SH3GL3: variants seen among roughly 807,000 people sequenced by gnomAD.
SH3GL3 encodes the protein SH3 domain containing GRB2 like 3, endophilin A3.
A neutral mutation model predicts 47.7 loss-of-function variants in SH3GL3; 33 were observed. The observed-to-expected ratio is 0.69, with a 90% CI of 0.52 to 0.92. The LOEUF (loss-of-function observed/expected upper bound fraction) is 0.92, where lower values mean the gene tolerates loss of function less well. SH3GL3 is among the 40% of genes least tolerant of loss of function. The probability of loss-of-function intolerance (pLI) is 0.00; values close to 1 mark genes in which losing one functional copy is unlikely to be tolerated. For synonymous variants in SH3GL3, 155 were observed against 148.8 expected, an observed-to-expected ratio of 1.04 and a Z score of -0.30; for missense variants, 363 against 417.8, an observed-to-expected ratio of 0.87 and a Z score of 1.14.
Position 83,448,442 on chromosome 15 carries a change from ATG to A in SH3GL3, c.45+902_45+903del, listed in dbSNP as rs71156081. Among the ~76,000 whole-genome samples, 2,313 of 140,714 alleles carry A rather than the reference ATG, an allele frequency of 0.016. 52 individuals are homozygous for A. Among genetic ancestry groups the A allele is most frequent in the East Asian group, 0.076 (352 of 4,658 alleles). 92.3% of individuals were successfully genotyped at this position (140,714 alleles called of 152,430 possible). ...AAACAGGAGGGGAGACATGAAATTG[ATG>A]TGTGTGTGTGTGTGTGTGTGTGTGT... On this transcript the variant is annotated intron_variant, in intron 1 of 8. Transcript: ENST00000427482. This position sits in a 1 kb window ranked among gnomAD's most constrained non-coding sequence, Gnocchi z 4.2.
At chr15:83,608,744 C>T (rs918091418) in intron 8 of SH3GL3, among the ~76,000 whole-genome samples, 2 of 151,692 alleles carry the variant, frequency 1.3e-5, no homozygotes, top group African/African-American at 4.9e-5. Flanking sequence ...TACCCGCCCC[C>T]CACTCCCCCC....
chr15:83,520,573 G>A (rs910198009), intron 1 of SH3GL3, among the ~76,000 whole-genome samples: 1 of 152,194 alleles, frequency 6.6e-6, no homozygotes, highest in Non-Finnish European at 1.5e-5. Flanking sequence ...GTGGAGGTGA[G>A]GAGTGGGTAC....
chr15:83,565,370 G>A (rs1473449774), intron 3 of SH3GL3, 164 bp downstream of exon 3: 10 of 613,034 alleles, frequency 1.6e-5, no homozygotes, highest in Admixed American at 8.9e-5. Context: ...AGTTGCATTC[G>A]GTCCTACTGA....
At chr15:83,457,730 C>T (rs1047732677) in intron 1 of SH3GL3, among the ~76,000 whole-genome samples, 7 of 152,188 alleles carry the variant, frequency 4.6e-5, no homozygotes, top group Admixed American at 3.3e-4. Context: ...CTCCTTTTCA[C>T]ATAGATTGCT....
rs188790209 is a variant in SH3GL3 at position 83,517,087 on chromosome 15, A to T, written c.46-42166A>T. 3.6e-4 allele frequency among the ~76,000 whole-genome samples: 54 copies of T among 152,070 alleles called. 1 individual carries two copies. The highest frequency in any genetic ancestry group is 1.2e-3 in the Admixed American group (19 of 15,280). ...ATTGCTGCTATGAACATACTTATAC[A>T]TGTCTCCTAGAAGACTTGTATCTAA... On this transcript the variant is annotated intron_variant, in intron 1 of 8. Coordinates refer to ENST00000427482, the MANE Select transcript of SH3GL3 (RefSeq NM_003027.5).
rs1236389674 is a variant in SH3GL3, at chr15:83,456,163, C to A, written c.45+8585C>A. Among the ~76,000 whole-genome samples, 2 of 72,878 alleles carry A rather than the reference C, an allele frequency of 2.7e-5. 1 individual carries two copies. The highest frequency in any genetic ancestry group is 9.5e-5 in the African/African-American group (2 of 21,048). The allele number at this position is 72,878 out of a possible 152,430, so 47.8% of individuals were successfully genotyped here. A position where few individuals can be genotyped will look rare whatever the true frequency, so the allele number is the denominator to read the frequency against. On this transcript the variant is annotated intron_variant, in intron 1 of 8. Coordinates refer to ENST00000427482, the MANE Select transcript of SH3GL3 (RefSeq NM_003027.5). ...GACCCACTTGAGGAGGCAGTCTGCC[C>A]GTTCTCAGATCTCCAGCTGCGTGCT...
intron 1 of SH3GL3, among the ~76,000 whole-genome samples, chr15:83,456,891 T>C (rs893124847): frequency 6.6e-6 from 1 of 152,240 alleles, no homozygotes; most frequent in Admixed American, 6.5e-5. Context: ...GACAAGATTT[T>C]TTTGATAGAG....
downstream of SH3GL3, among the ~76,000 whole-genome samples, chr15:83,619,677 G>A (rs1161172300): frequency 6.6e-6 from 1 of 152,184 alleles, no homozygotes; most frequent in East Asian, 1.9e-4. Context: ...ACTAAAAAAT[G>A]CTAATGATTA....
At chr15:83,609,691 T>C (rs2060613831) in intron 8 of SH3GL3, among the ~76,000 whole-genome samples, 1 of 152,170 alleles carries the variant, frequency 6.6e-6, no homozygotes, top group South Asian at 2.1e-4. Context: ...GCTCCTTCGG[T>C]GGTCTGAAAA....
intron 8 of SH3GL3, among the ~76,000 whole-genome samples, chr15:83,616,407 C>G (rs1474325161): frequency 6.6e-6 from 1 of 151,992 alleles, no homozygotes; most frequent in Non-Finnish European, 1.5e-5. Context: ...GTGCCCGCCA[C>G]CACGCCCGGC....
chr15:83,450,753 A>ATTT (rs1198458829), intron 1 of SH3GL3, among the ~76,000 whole-genome samples: 31 of 25,424 alleles, frequency 1.2e-3, no homozygotes, highest in Non-Finnish European at 1.9e-3. Flanking sequence ...AAAATGGGAT[A>ATTT]TTTTTCTTTT....
Position 83,447,819 on chromosome 15 carries a change from A to AT in SH3GL3, c.45+243dup, listed in dbSNP as rs1354227426. Among the ~76,000 whole-genome samples the AT allele has an allele frequency of 6.6e-6, 1 of 151,874 alleles. No homozygotes were observed. Among genetic ancestry groups the AT allele is most frequent in the Non-Finnish European group, 1.5e-5 (1 of 67,956 alleles). On this transcript the variant is annotated intron_variant, in intron 1 of 8. Coordinates refer to ENST00000427482, the MANE Select transcript of SH3GL3 (RefSeq NM_003027.5). The surrounding 1 kb of genome is among the most constrained non-coding windows in gnomAD (Gnocchi z 5.1). ...CCCTGGGCCGTTGTAAATCGGAGAGATTCTGCGGAGCGGAGGGCAGAGGTG... is the reference window on the plus strand; with the variant it reads ...CCCTGGGCCGTTGTAAATCGGAGAGATTTCTGCGGAGCGGAGGGCAGAGGTG...
At chr15:83,553,503 C>T (rs377446945) in intron 1 of SH3GL3, among the ~76,000 whole-genome samples, 3 of 152,128 alleles carry the variant, frequency 2.0e-5, no homozygotes, top group African/African-American at 7.2e-5. Flanking sequence ...CTCCCTCTCC[C>T]TTTATTCTCC....
chr15:83,590,039 T>C (rs1319808779), intron 8 of SH3GL3, among the ~76,000 whole-genome samples: 1 of 152,210 alleles, frequency 6.6e-6, no homozygotes, highest in African/African-American at 2.4e-5. Flanking sequence ...GGGTGAACTT[T>C]CTTTTCTATA....
At chr15:83,616,251 C>CT (rs10661412) in intron 8 of SH3GL3, among the ~76,000 whole-genome samples, 55,513 of 113,962 alleles carry the variant, frequency 0.49, 15,154 homozygotes, top group Admixed American at 0.58. Context: ...ATTGTGATTG[C>CT]TTTTTTTTTT....
intron 6 of SH3GL3, among the ~76,000 whole-genome samples, chr15:83,577,205 G>A (rs974246295): frequency 3.9e-5 from 6 of 151,900 alleles, no homozygotes; most frequent in South Asian, 2.1e-4. Context: ...CACCACCCCC[G>A]TCCAATCTCA....
At chr15:83,505,309 C>T (rs1030499559) in intron 1 of SH3GL3, among the ~76,000 whole-genome samples, 3 of 152,048 alleles carry the variant, frequency 2.0e-5, no homozygotes, top group Non-Finnish European at 4.4e-5. Flanking sequence ...AATGGCCAAA[C>T]CTCATCAAAT....
intron 8 of SH3GL3, among the ~76,000 whole-genome samples, chr15:83,614,091 A>C (rs1398395999): frequency 1.3e-5 from 2 of 152,190 alleles, no homozygotes; most frequent in Non-Finnish European, 2.9e-5. Flanking sequence ...CTCACAGCTC[A>C]GGTTGCCCTT....
chr15:83,594,518 A>AT (rs1489811395), intron 8 of SH3GL3, among the ~76,000 whole-genome samples: 1 of 152,134 alleles, frequency 6.6e-6, no homozygotes, highest in Non-Finnish European at 1.5e-5. Flanking sequence ...CTTCATTCAC[A>AT]TTTCCTTAGT....
Sources: gnomAD v4.1 joint callset for allele counts (sites outside exome capture counted in the v4.1 genomes callset) on GRCh38, gnomAD v4.1.1 for gene constraint, Gnocchi (gnomAD v3.1) non-coding constraint, MANE v1.5 for transcripts, NCBI Gene and HGNC (gene_info 2026-07-23, HGNC 2026-07-21) for gene names.